The following SLC35F4 variants were observed in gnomAD, a reference collection of about 807,000 sequenced individuals.
SLC35F4 encodes the protein chromosome 14 open reading frame 36.
Under a neutral mutation model 44.2 loss-of-function variants are expected in SLC35F4, and 24 were observed. The ratio of observed to expected loss-of-function variants is 0.54; its 90% CI spans 0.39 to 0.76. The LOEUF (loss-of-function observed/expected upper bound fraction) is 0.76, where lower values mean the gene tolerates loss of function less well. Ranked by LOEUF, SLC35F4 falls within the 30% of genes least tolerant of loss-of-function variation. The pLI is 0.00. For synonymous variants in SLC35F4, 238 were observed against 223.6 expected (o/e 1.06, Z -0.57); for missense variants, 562 against 586.1 (o/e 0.96, Z 0.42).
chr14:57,941,992 G>A (rs576477525), intron 1 of SLC35F4, among the ~76,000 whole-genome samples: 1 of 152,248 alleles, frequency 6.6e-6, no homozygotes, highest in Admixed American at 6.5e-5. Flanking sequence ...AAGCATCTGT[G>A]GGCTGCAAAG....
chr14:57,619,161 C>T (rs999517500), intron 1 of SLC35F4, among the ~76,000 whole-genome samples: 2 of 152,118 alleles, frequency 1.3e-5, no homozygotes, highest in African/African-American at 4.8e-5. Context: ...AAGAGAGCAG[C>T]GGATCTCCCA....
At chr14:57,891,563 T>C (rs1010882769) in intron 1 of SLC35F4, among the ~76,000 whole-genome samples, 1 of 152,230 alleles carries the variant, frequency 6.6e-6, no homozygotes. Context: ...CAGTAAATTT[T>C]AAATTTGACT....
chr14:57,744,283 A>C (rs999169977), intron 1 of SLC35F4, among the ~76,000 whole-genome samples: 6 of 152,194 alleles, frequency 3.9e-5, no homozygotes, highest in African/African-American at 1.4e-4. Context: ...AGGAAGTCAA[A>C]TTGTCCCTGT....
At chr14:57,783,616 A>G (rs566896569) in intron 1 of SLC35F4, among the ~76,000 whole-genome samples, 1 of 152,342 alleles carries the variant, frequency 6.6e-6, no homozygotes, top group African/African-American at 2.4e-5. Context: ...CAAGGCCTGG[A>G]CAATAAGAAC....
chr14:57,765,612 C>T (rs958280342), intron 1 of SLC35F4, among the ~76,000 whole-genome samples: 65 of 152,256 alleles, frequency 4.3e-4, no homozygotes, highest in African/African-American at 1.5e-3. Flanking sequence ...AAATTGTATT[C>T]ATTCAAATTA....
At chr14:57,856,584 ACTAT>A (rs1887120312) in intron 1 of SLC35F4, among the ~76,000 whole-genome samples, 1 of 152,068 alleles carries the variant, frequency 6.6e-6, no homozygotes, top group Non-Finnish European at 1.5e-5. Flanking sequence ...AAACTACCAC[ACTAT>A]CTACCATCAA....
intron 1 of SLC35F4, among the ~76,000 whole-genome samples, chr14:57,779,096 A>T (rs1595041023): frequency 6.6e-6 from 1 of 152,204 alleles, no homozygotes; most frequent in East Asian, 1.9e-4. Context: ...TCCCAAAGCT[A>T]GCAGAAGACA....
At chr14:57,711,582 A>G (rs2075819372) in intron 1 of SLC35F4, among the ~76,000 whole-genome samples, 1 of 151,798 alleles carries the variant, frequency 6.6e-6, no homozygotes, top group African/African-American at 2.4e-5. Context: ...TTCCAGAATT[A>G]ACATACTGTT....
At chr14:57,594,920 G>C (rs186307492) in intron 1 of SLC35F4, among the ~76,000 whole-genome samples, 1 of 152,096 alleles carries the variant, frequency 6.6e-6, no homozygotes, top group Non-Finnish European at 1.5e-5. Context: ...TAGTCACATA[G>C]GGTGCTGTGC....
chr14:57,697,496 T>C (rs1025336349), intron 1 of SLC35F4, among the ~76,000 whole-genome samples: 2 of 151,768 alleles, frequency 1.3e-5, no homozygotes, highest in East Asian at 1.9e-4. Context: ...AGCTCAGGAG[T>C]TCGAGACAAA....
chr14:57,878,702 T>C (rs1431581717), intron 1 of SLC35F4, among the ~76,000 whole-genome samples: 4 of 152,212 alleles, frequency 2.6e-5, no homozygotes, highest in Non-Finnish European at 4.4e-5. Flanking sequence ...CTCTCTAGAC[T>C]GTAAATACAA....
rs143140293 is a variant in SLC35F4 at position 57,671,758 on chromosome 14, G to T, written c.104-77634C>A. On this transcript the variant is annotated intron_variant, in intron 1 of 7. Transcript: ENST00000556826. ...TTTACTTACCAACTCCTGCATCCCA[G>T]TGCCCCCAGCTAGTAGCCAGTGATA... Among the ~76,000 whole-genome samples the T allele has an allele frequency of 6.5e-3, 994 of 152,084 alleles. 20 individuals are homozygous for T. Among genetic ancestry groups the T allele is most frequent in the African/African-American group, 0.023 (957 of 41,412 alleles).
chr14:57,914,455 C>T (rs568958565), intron 1 of SLC35F4, among the ~76,000 whole-genome samples: 108 of 151,664 alleles, frequency 7.1e-4, no homozygotes, highest in African/African-American at 2.2e-3. Flanking sequence ...CTCAGCTACT[C>T]GGGAGGCTGA....
chr14:57,902,825 G>A (rs1889030617), intron 1 of SLC35F4, among the ~76,000 whole-genome samples: 1 of 152,118 alleles, frequency 6.6e-6, no homozygotes, highest in Non-Finnish European at 1.5e-5. Context: ...TGTGCCATCT[G>A]CATGGAAAGC....
chr14:57,593,930 C>T lies in SLC35F4; in HGVS notation c.289+9G>A. 2 of 1,613,068 alleles carry T rather than the reference C, an allele frequency of 1.2e-6. No individual in the cohort carries two copies. The highest frequency in any genetic ancestry group is 1.1e-5 in the South Asian group (1 of 90,960). On this transcript the variant is annotated intron_variant, in intron 2 of 7. Transcript: ENST00000556826. The stretch of plus-strand genomic sequence containing the variant: ...TGTACCGTTATTTAAGAGGAGGTCA[C>T]CCACATACCTGATCTGTTCTGTCTC...
intron 1 of SLC35F4, among the ~76,000 whole-genome samples, chr14:57,872,800 A>T (rs949985641): frequency 6.6e-6 from 1 of 152,204 alleles, no homozygotes; most frequent in Non-Finnish European, 1.5e-5. Context: ...CTCAGTCTTC[A>T]TGCTAAACTA....
intron 1 of SLC35F4, among the ~76,000 whole-genome samples, chr14:57,890,330 G>A (rs911851690): frequency 1.5e-4 from 23 of 152,112 alleles, no homozygotes; most frequent in Admixed American, 1.4e-3. Flanking sequence ...AGACCCAAGA[G>A]GGTTGAAAAT....
At chr14:57,569,618 T>C (rs552481798) in intron 6 of SLC35F4, among the ~76,000 whole-genome samples, 170 bp downstream of exon 6, 1 of 152,322 alleles carries the variant, frequency 6.6e-6, no homozygotes, top group Admixed American at 6.5e-5. Flanking sequence ...TTGAACCTAA[T>C]CAACCAGTAG....
intron 1 of SLC35F4, among the ~76,000 whole-genome samples, chr14:57,716,806 A>G (rs1469308663): frequency 2.6e-5 from 4 of 152,220 alleles, no homozygotes; most frequent in African/African-American, 4.8e-5. Flanking sequence ...CTACAGTGCT[A>G]TAGAACACTA....
Sources: allele counts gnomAD v4.1 joint callset (sites outside exome capture counted in the v4.1 genomes callset), GRCh38; gene constraint gnomAD v4.1.1; transcripts MANE v1.5; gene names NCBI Gene and HGNC (gene_info 2026-07-23, HGNC 2026-07-21).